The following CELF5 variants were observed in gnomAD, a reference collection of about 807,000 sequenced individuals.
CELF5 encodes the protein CUG-BP and ETR-3 like factor 5.
Under a neutral mutation model 54.9 loss-of-function variants are expected in CELF5, and 6 were observed. The ratio of observed to expected loss-of-function variants is 0.11; its 90% CI spans 0.06 to 0.22. The LOEUF (loss-of-function observed/expected upper bound fraction) is 0.22. Among genes scored for constraint, CELF5 ranks in the 10% least tolerant of loss-of-function variants. CELF5 has a pLI of 1.00. For missense variants in CELF5, 401 were observed against 678.6 expected (o/e 0.59, Z 4.54); for synonymous variants, 271 against 290.9 (o/e 0.93, Z 0.70).
At chr19:3,242,126 G>A (rs876322) in intron 1 of CELF5, among the ~76,000 whole-genome samples, 11,384 of 152,218 alleles carry the variant, frequency 0.075, 1,058 homozygotes, top group East Asian at 0.45. Context: ...ACGGCAAGAG[G>A]CTGTGTTCTT....
rs312060 is a variant in CELF5, at chr19:3,228,040, G to A, written c.259+3042G>A. Among the ~76,000 whole-genome samples, 1 of 152,112 alleles carries A rather than the reference G, an allele frequency of 6.6e-6. No homozygotes were observed. Among genetic ancestry groups the A allele is most frequent in the Admixed American group, 6.5e-5 (1 of 15,282 alleles). On this transcript the variant is annotated intron_variant, in intron 1 of 12. Transcript: ENST00000292672. This position sits in a 1 kb window ranked among gnomAD's most constrained non-coding sequence, Gnocchi z 6.0. ...TCATCCAGGAGCGGGGCAGGGGTAGGGGGAGAGGGATGCGTCGAGGTGGTC... is the reference window on the plus strand; with the variant it reads ...TCATCCAGGAGCGGGGCAGGGGTAGAGGGAGAGGGATGCGTCGAGGTGGTC...
At chr19:3,296,673 G>C (rs2080459760) in intron 12 of CELF5, 85 bp from the exon 13 acceptor site, 1 of 152,208 alleles carries the variant, frequency 6.6e-6, no homozygotes, top group Non-Finnish European at 1.5e-5. Flanking sequence ...GCCTGCTTGG[G>C]AGTGTGTGCC....
rs1917111456 is a variant in CELF5 at position 3,228,925 on chromosome 19, C to T, written c.259+3927C>T. Among the ~76,000 whole-genome samples the T allele has an allele frequency of 1.3e-5, 2 of 151,188 alleles. No homozygotes were observed. The highest frequency in any genetic ancestry group is 2.1e-4 in the South Asian group (1 of 4,772). ...GTGTGTGTGTGTGTGTACGCGGGCG[C>T]GCGCCTGGGAAGGACTCCTGCCGGG... On this transcript the variant is annotated intron_variant, in intron 1 of 12. Transcript: ENST00000292672. The surrounding 1 kb of genome is among the most constrained non-coding windows in gnomAD (Gnocchi z 6.0).
At chr19:3,231,842 A>G (rs528127842) in intron 1 of CELF5, among the ~76,000 whole-genome samples, 1 of 151,700 alleles carries the variant, frequency 6.6e-6, no homozygotes, top group African/African-American at 2.4e-5. Flanking sequence ...GGATGGATGG[A>G]TGGATGCATG....
At chr19:3,290,195 T>C (rs762324500) in intron 10 of CELF5, 36 bp from the exon 11 acceptor site, 3 of 1,606,116 alleles carry the variant, frequency 1.9e-6, no homozygotes, top group East Asian at 2.2e-5. Flanking sequence ...CCTCCTCTCC[T>C]TGGGGGCTTT....
intron 2 of CELF5, among the ~76,000 whole-genome samples, chr19:3,257,474 T>A (rs10409637): frequency 6.6e-6 from 1 of 151,686 alleles, no homozygotes; most frequent in Non-Finnish European, 1.5e-5. Context: ...TATTATTATT[T>A]ATTATTATTA....
At chr19:3,249,768 G>T (rs1599413803) in intron 1 of CELF5, among the ~76,000 whole-genome samples, 1 of 152,192 alleles carries the variant, frequency 6.6e-6, no homozygotes, top group South Asian at 2.1e-4. Flanking sequence ...GATAGGGGAA[G>T]GTGAGGCCCA....
intron 3 of CELF5, 112 bp downstream of exon 3, chr19:3,274,035 A>C: frequency 9.2e-7 from 1 of 1,086,324 alleles, no homozygotes; most frequent in Non-Finnish European, 1.4e-6. Flanking sequence ...AGGCCTGTGG[A>C]TCTGGAACTG....
chr19:3,290,557 G>C (rs1240891375), intron 11 of CELF5, among the ~76,000 whole-genome samples, 183 bp downstream of exon 11: 2 of 125,938 alleles, frequency 1.6e-5, no homozygotes, highest in East Asian at 4.1e-4. Flanking sequence ...GTTTTGGTTT[G>C]GGTTTCTTTT....
rs527713277 is a variant in CELF5 at position 3,228,419 on chromosome 19, G to T, written c.259+3421G>T. 1.3e-5 allele frequency among the ~76,000 whole-genome samples: 2 copies of T among 152,314 alleles called. No homozygotes were observed. The highest frequency in any genetic ancestry group is 4.1e-4 in the South Asian group (2 of 4,830). On this transcript the variant is annotated intron_variant, in intron 1 of 12. Coordinates refer to ENST00000292672, the MANE Select transcript of CELF5 (RefSeq NM_021938.4). This position sits in a 1 kb window ranked among gnomAD's most constrained non-coding sequence, Gnocchi z 6.0. ...CCCGGGGACCCTCCCTCCAAGGCAG[G>T]CACCTCTGGAGCTGTGGCTGCCCCT... is the stretch of plus-strand genomic sequence containing the variant.
chr19:3,260,278 A>G (rs187932643), intron 2 of CELF5, among the ~76,000 whole-genome samples: 546 of 151,064 alleles, frequency 3.6e-3, no homozygotes, highest in Non-Finnish European at 6.1e-3. Flanking sequence ...CACCACGCCC[A>G]GCTAATTTTT....
At chr19:3,246,232 C>T (rs948401491) in intron 1 of CELF5, among the ~76,000 whole-genome samples, 24 of 152,090 alleles carry the variant, frequency 1.6e-4, no homozygotes, top group Non-Finnish European at 2.8e-4. Flanking sequence ...GGCATGGTGG[C>T]GGACACCTGT....
chr19:3,283,943 A>G (rs565328354), intron 8 of CELF5, among the ~76,000 whole-genome samples: 5 of 150,306 alleles, frequency 3.3e-5, no homozygotes, highest in Admixed American at 3.3e-4. Context: ...CGATCCTCTC[A>G]CCTCTCACCT....
chr19:3,291,236 A>C lies in CELF5; in HGVS notation c.1330+862A>C, dbSNP rs72989273. 7.2e-3 allele frequency among the ~76,000 whole-genome samples: 1,101 copies of C among 152,030 alleles called. 4 individuals are homozygous for C. Among genetic ancestry groups the C allele is most frequent in the Non-Finnish European group, 0.012 (813 of 67,978 alleles). On this transcript the variant is annotated intron_variant, in intron 11 of 12. Coordinates refer to ENST00000292672, the MANE Select transcript of CELF5 (RefSeq NM_021938.4). ...AGCTATGATCACACCACTGCATTCC[A>C]GCCCAGACAACACAGCAAGACCCTG... is the stretch of plus-strand genomic sequence containing the variant.
chr19:3,284,690 TTC>T, intron 8 of CELF5: 1 of 581,618 alleles, frequency 1.7e-6, no homozygotes, highest in South Asian at 2.1e-5. Context: ...GAAACCCGGA[TTC>T]CAGTTCAGCT....
chr19:3,285,787 C>T (rs2080236266), intron 9 of CELF5, among the ~76,000 whole-genome samples, 155 bp from the exon 10 acceptor site: 2 of 148,446 alleles, frequency 1.3e-5, no homozygotes, highest in South Asian at 2.2e-4. Context: ...TGGCCTGGCC[C>T]CGCCCCCAAA....
intron 4 of CELF5, among the ~76,000 whole-genome samples, chr19:3,276,237 G>A (rs919037244): frequency 5.7e-5 from 8 of 141,284 alleles, no homozygotes; most frequent in African/African-American, 2.1e-4. Context: ...AGCTGCCTCT[G>A]AGGGCGGGGC....
intron 1 of CELF5, among the ~76,000 whole-genome samples, chr19:3,237,912 G>A (rs187463839): frequency 1.2e-4 from 18 of 152,128 alleles, no homozygotes; most frequent in Non-Finnish European, 2.4e-4. Context: ...AGCCGGGCCT[G>A]GTGGCGGGCG....
chr19:3,243,420 A>G (rs1463012671), intron 1 of CELF5, among the ~76,000 whole-genome samples: 1 of 152,178 alleles, frequency 6.6e-6, no homozygotes, highest in Non-Finnish European at 1.5e-5. Context: ...AGCTGGGACC[A>G]CAGGCACATG....
Sources: gnomAD v4.1 joint callset for allele counts (sites outside exome capture counted in the v4.1 genomes callset) on GRCh38, gnomAD v4.1.1 for gene constraint, Gnocchi (gnomAD v3.1) non-coding constraint, MANE v1.5 for transcripts, NCBI Gene and HGNC (gene_info 2026-07-23, HGNC 2026-07-21) for gene names.